DYNC2I2: variants seen among roughly 807,000 people sequenced by gnomAD.
The protein encoded by DYNC2I2 is cytoplasmic dynein 2 intermediate chain 2.
DYNC2I2 carries 39 observed loss-of-function variants against 52.0 expected under a neutral mutation model. The ratio of observed to expected loss-of-function variants is 0.75; its 90% CI spans 0.58 to 0.98. DYNC2I2 has a LOEUF of 0.98. Among genes scored for constraint, DYNC2I2 ranks in the 50% least tolerant of loss-of-function variants. DYNC2I2 has a pLI of 0.00. For missense variants in DYNC2I2, 743 were observed against 728.4 expected (o/e 1.02, Z -0.23); for synonymous variants, 359 against 321.1 (o/e 1.12, Z -1.26).
At chr9:128,667,993 G>A in the DYNC2I2 span, among the ~76,000 whole-genome samples, 2 of 86,844 alleles carry the variant, frequency 2.3e-5, no homozygotes, top group Admixed American at 1.6e-4. Flanking sequence ...ATGGAGTCCC[G>A]CTCTGTCACC....
intron 1 of DYNC2I2, among the ~76,000 whole-genome samples, chr9:128,646,003 G>A (rs1331123376): frequency 6.6e-6 from 1 of 152,132 alleles, no homozygotes; most frequent in African/African-American, 2.4e-5. Flanking sequence ...CATGAAGGCT[G>A]AGAGAGGTGA....
intron 1 of DYNC2I2, among the ~76,000 whole-genome samples, chr9:128,645,451 CAA>C (rs143538365): frequency 1.1e-4 from 13 of 123,142 alleles, no homozygotes; most frequent in Middle Eastern, 4.4e-3. Context: ...AACTCTGTCT[CAA>C]AAAAAAAAAA....
the DYNC2I2 span, among the ~76,000 whole-genome samples, chr9:128,666,832 T>A: frequency 6.6e-6 from 1 of 151,246 alleles, no homozygotes; most frequent in Non-Finnish European, 1.5e-5. Context: ...TTTCAGAAGC[T>A]AAGGTGGATG....
the DYNC2I2 span, among the ~76,000 whole-genome samples, chr9:128,679,064 G>A: frequency 3.9e-5 from 6 of 152,036 alleles, no homozygotes; most frequent in South Asian, 4.2e-4. Flanking sequence ...GCAAGACTCC[G>A]TCACAAAATA....
chr9:128,637,251 C>T (rs114988868), intron 2 of DYNC2I2, among the ~76,000 whole-genome samples: 204 of 152,330 alleles, frequency 1.3e-3, no homozygotes, highest in African/African-American at 4.5e-3. Context: ...ACCAGGCTCC[C>T]GCCCAGAGGG....
At chr9:128,675,473 C>G in the DYNC2I2 span, among the ~76,000 whole-genome samples, 1 of 152,168 alleles carries the variant, frequency 6.6e-6, no homozygotes, top group African/African-American at 2.4e-5. Flanking sequence ...AGCCACCGAG[C>G]CTGGCGGAGC....
In DYNC2I2 at chr9:128,656,583, C is replaced by T. The variant is rs1327907622; in HGVS notation, c.144G>A (p.Val48=). ...LQDETLGVAS[V]PSQWRAVQGI... ...CCTGGACGGCCCTCCACTGCGAGGG[C>T]ACGGACGCCACACCCAGGGTCTCGT... Residue 48 remains valine (V), a synonymous_variant, in exon 1 of 9, where the codon GTG becomes GTA. Transcript: ENST00000372715. The T allele has an allele frequency of 1.3e-6, 2 of 1,484,468 alleles. No individual in the cohort carries two copies. Among genetic ancestry groups the T allele is most frequent in the Admixed American group, 2.3e-5 (1 of 42,918 alleles). 92.0% of individuals were successfully genotyped at this position (1,484,468 alleles called of 1,614,324 possible). A position where few individuals can be genotyped will look rare whatever the true frequency, so the allele number is the denominator to read the frequency against.
the DYNC2I2 span, among the ~76,000 whole-genome samples, chr9:128,670,242 C>G: frequency 1.3e-5 from 2 of 152,070 alleles, no homozygotes; most frequent in Admixed American, 6.6e-5. Context: ...AGTTTGGGAC[C>G]AGCCTGGCCA....
chr9:128,657,946 G>A (rs563112042), upstream of DYNC2I2, among the ~76,000 whole-genome samples: 1 of 152,062 alleles, frequency 6.6e-6, no homozygotes, highest in South Asian at 2.1e-4. Flanking sequence ...TTTTTTAATT[G>A]GCCAGGCATA....
intron 1 of DYNC2I2, among the ~76,000 whole-genome samples, chr9:128,652,432 CA>C (rs59498068): frequency 0.73 from 67,423 of 92,712 alleles, 24,926 homozygotes; most frequent in Non-Finnish European, 0.84. Context: ...AACTTCATCT[CA>C]AAAAAAAAAA....
chr9:128,669,469 G>T, the DYNC2I2 span, among the ~76,000 whole-genome samples: 156 of 152,212 alleles, frequency 1.0e-3, no homozygotes, highest in African/African-American at 3.7e-3. Context: ...AGGCTGAGGT[G>T]GTCAGATCAC....
At chr9:128,676,475 G>A in the DYNC2I2 span, among the ~76,000 whole-genome samples, 1 of 152,000 alleles carries the variant, frequency 6.6e-6, no homozygotes, top group Non-Finnish European at 1.5e-5. Flanking sequence ...GGGTGACAGA[G>A]AGAGACTCAG....
chr9:128,677,811 AAAC>A, the DYNC2I2 span, among the ~76,000 whole-genome samples: 1 of 152,052 alleles, frequency 6.6e-6, no homozygotes, highest in African/African-American at 2.4e-5. Flanking sequence ...TCCATCTGAA[AAAC>A]AACAACAACA....
the DYNC2I2 span, among the ~76,000 whole-genome samples, chr9:128,668,616 TTTGAGACCAGC>T: frequency 6.8e-6 from 1 of 146,736 alleles, no homozygotes; most frequent in African/African-American, 2.5e-5. Flanking sequence ...AGGTCAGGAG[TTTGAGACCAGC>T]TTGGCCAACA....
At chr9:128,647,112 C>T (rs111310700) in intron 1 of DYNC2I2, among the ~76,000 whole-genome samples, 4,273 of 152,108 alleles carry the variant, frequency 0.028, 184 homozygotes, top group African/African-American at 0.097. Context: ...GCAACAAGGG[C>T]GAAACTCTGT....
chr9:128,655,582 T>C (rs1312861943), intron 1 of DYNC2I2, among the ~76,000 whole-genome samples: 1 of 145,358 alleles, frequency 6.9e-6, no homozygotes, highest in Non-Finnish European at 1.5e-5. Context: ...CACTCCAGCC[T>C]GGGCGACAGA....
rs1860239912 is a variant in DYNC2I2, at chr9:128,633,806, T to C, written c.1549A>G (p.Thr517Ala). ...TCAGCTTCCCGGGGCCCTTGTTCCG[T>C]GAACTCTGTGCTCAGCTGCCACACC... is the stretch of plus-strand genomic sequence containing the variant. The part of the protein sequence containing the change: ...VKVWQLSTEF[T>A]EQGPREAEDL... Residue 517 changes from threonine to alanine, a missense_variant, in exon 9 of 9, where the codon ACG becomes GCG. Coordinates refer to ENST00000372715, the MANE Select transcript of DYNC2I2 (RefSeq NM_052844.4). 1 of 1,613,474 alleles carries C rather than the reference T, an allele frequency of 6.2e-7. No individual in the cohort carries two copies. Among genetic ancestry groups the C allele is most frequent in the Admixed American group, 1.7e-5 (1 of 60,006 alleles).
At chr9:128,640,653 A>G in intron 2 of DYNC2I2, 38 bp downstream of exon 2, 1 of 1,591,148 alleles carries the variant, frequency 6.3e-7, no homozygotes, top group Non-Finnish European at 8.6e-7. Flanking sequence ...GAAGTGGGGC[A>G]GGGGCTCGAC....
At chr9:128,656,370 G>A (rs1204934858) in intron 1 of DYNC2I2, among the ~76,000 whole-genome samples, 171 bp downstream of exon 1, 1 of 151,732 alleles carries the variant, frequency 6.6e-6, no homozygotes, top group African/African-American at 2.4e-5. Flanking sequence ...GTCAGTTTCT[G>A]TGGAATAAAC....
Sources: allele counts gnomAD v4.1 joint callset (sites outside exome capture counted in the v4.1 genomes callset), GRCh38; gene constraint gnomAD v4.1.1; transcripts MANE v1.5; gene names NCBI Gene and HGNC (gene_info 2026-07-23, HGNC 2026-07-21).